Variants in CNTN5 observed in about 807,000 individuals in gnomAD.
The protein encoded by CNTN5 is contactin-5.
Under a neutral mutation model 129.1 loss-of-function variants are expected in CNTN5, and 77 were observed. The observed-to-expected ratio is 0.60, with a 90% CI of 0.50 to 0.72. The LOEUF is 0.72. CNTN5 is among the 30% of genes least tolerant of loss of function. CNTN5 has a pLI of 0.00. For missense variants in CNTN5, 1,478 were observed against 1,328.8 expected (o/e 1.11, Z -1.75); for synonymous variants, 509 against 465.6 (o/e 1.09, Z -1.20).
chr11:99,307,059 C>T (rs866190171), intron 1 of CNTN5, among the ~76,000 whole-genome samples: 5 of 152,106 alleles, frequency 3.3e-5, no homozygotes, highest in East Asian at 1.9e-4. Flanking sequence ...TATACAGATT[C>T]GTTTTGATCC....
intron 14 of CNTN5, among the ~76,000 whole-genome samples, chr11:100,192,355 G>A (rs1452574): frequency 0.2 from 30,657 of 151,844 alleles, 3,210 homozygotes; most frequent in Non-Finnish European, 0.24. Flanking sequence ...TCTCTGATGA[G>A]GCCAGAACTT....
chr11:99,561,545 G>A (rs539480181), intron 3 of CNTN5, among the ~76,000 whole-genome samples: 1 of 152,216 alleles, frequency 6.6e-6, no homozygotes, highest in Admixed American at 6.5e-5. Flanking sequence ...AGTACAGAAT[G>A]GGAAATGGGG....
chr11:99,122,716 A>T (rs1858408020), intron 1 of CNTN5, among the ~76,000 whole-genome samples: 1 of 151,944 alleles, frequency 6.6e-6, no homozygotes, highest in Non-Finnish European at 1.5e-5. Context: ...CCCTCCACCT[A>T]CAACTAGGCT....
chr11:99,975,174 T>G (rs1332984151), intron 8 of CNTN5, among the ~76,000 whole-genome samples: 2 of 152,354 alleles, frequency 1.3e-5, no homozygotes, highest in African/African-American at 4.8e-5. Flanking sequence ...AAAAGTTTTT[T>G]TTTTACAAAA....
intron 13 of CNTN5, 63 bp from the exon 14 acceptor site, chr11:100,191,063 G>T (rs894617124): frequency 3.4e-6 from 4 of 1,168,278 alleles, no homozygotes; most frequent in African/African-American, 3.1e-5. Flanking sequence ...TTCATCATTG[G>T]TTCTTACTAT....
intron 2 of CNTN5, among the ~76,000 whole-genome samples, chr11:99,365,436 T>G (rs578078334): frequency 6.6e-6 from 1 of 152,262 alleles, no homozygotes; most frequent in African/African-American, 2.4e-5. Context: ...TTGTGGACTT[T>G]TTACTCTACC....
intron 8 of CNTN5, among the ~76,000 whole-genome samples, chr11:99,961,860 C>G (rs1950955451): frequency 6.6e-6 from 1 of 152,060 alleles, no homozygotes; most frequent in Non-Finnish European, 1.5e-5. Context: ...ATCCACACAC[C>G]CCATTCAGTC....
At chr11:99,396,993 A>T (rs555433741) in intron 2 of CNTN5, among the ~76,000 whole-genome samples, 176 of 151,818 alleles carry the variant, frequency 1.2e-3, no homozygotes, top group Non-Finnish European at 1.6e-3. Context: ...GAGAAAATGG[A>T]GCATCTCAAA....
intron 6 of CNTN5, among the ~76,000 whole-genome samples, chr11:99,859,392 T>C (rs1591322679): frequency 1.3e-5 from 2 of 152,256 alleles, no homozygotes; most frequent in African/African-American, 4.8e-5. Context: ...CAGTGGTTTA[T>C]GTGCAGGTTT....
chr11:99,631,170 G>C (rs2135802082), intron 3 of CNTN5, among the ~76,000 whole-genome samples: 1 of 152,184 alleles, frequency 6.6e-6, no homozygotes, highest in African/African-American at 2.4e-5. Flanking sequence ...TATTCTTTAT[G>C]TATATGGAGT....
intron 3 of CNTN5, among the ~76,000 whole-genome samples, chr11:99,741,833 C>T (rs1334537417): frequency 6.6e-6 from 1 of 152,112 alleles, no homozygotes; most frequent in South Asian, 2.1e-4. Context: ...TGTCTTGCCG[C>T]TATGTTTGGT....
At chr11:99,597,639 C>T (rs545474479) in intron 3 of CNTN5, among the ~76,000 whole-genome samples, 37 of 152,246 alleles carry the variant, frequency 2.4e-4, no homozygotes, top group Admixed American at 3.3e-4. Context: ...TTTAGGTCCT[C>T]TGCTTTCTCA....
At chr11:99,324,630 AC>A (rs986942025) in intron 1 of CNTN5, among the ~76,000 whole-genome samples, 114 of 152,338 alleles carry the variant, frequency 7.5e-4, no homozygotes, top group South Asian at 1.5e-3. Context: ...ATTTCATTAA[AC>A]AATGAACTTC....
intron 3 of CNTN5, among the ~76,000 whole-genome samples, chr11:99,724,893 G>GACTC (rs898760778): frequency 6.6e-6 from 1 of 152,082 alleles, no homozygotes; most frequent in Non-Finnish European, 1.5e-5. Flanking sequence ...AAATGTAAAG[G>GACTC]ACTCAGTAAG....
At chr11:99,788,653 T>A (rs931235968) in intron 3 of CNTN5, among the ~76,000 whole-genome samples, 1 of 151,912 alleles carries the variant, frequency 6.6e-6, no homozygotes, top group Admixed American at 6.6e-5. Flanking sequence ...CTTTATTATA[T>A]ATGCAGAGTG....
At chr11:100,085,861 A>C (rs947727351) in intron 13 of CNTN5, among the ~76,000 whole-genome samples, 1 of 152,068 alleles carries the variant, frequency 6.6e-6, no homozygotes, top group Non-Finnish European at 1.5e-5. Flanking sequence ...AAGAAAGAAG[A>C]AAATAAAATC....
At chr11:100,255,062 C>T (rs1950038905) in intron 16 of CNTN5, among the ~76,000 whole-genome samples, 2 of 152,008 alleles carry the variant, frequency 1.3e-5, no homozygotes, top group Admixed American at 1.3e-4. Context: ...TATTCTATAC[C>T]ATTCTTTCAT....
chr11:99,124,927 T>A, intron 1 of CNTN5, among the ~76,000 whole-genome samples: 1 of 151,984 alleles, frequency 6.6e-6, no homozygotes, highest in East Asian at 1.9e-4. Flanking sequence ...AGCAATCGAA[T>A]GTCTTAACCA....
chr11:99,699,105 C>A (rs542081203), intron 3 of CNTN5, among the ~76,000 whole-genome samples: 3 of 151,352 alleles, frequency 2.0e-5, no homozygotes, highest in Non-Finnish European at 4.4e-5. Context: ...ATTTTCTTCT[C>A]ACCAAGATTT....
Sources: gnomAD v4.1 joint callset for allele counts (sites outside exome capture counted in the v4.1 genomes callset) on GRCh38, gnomAD v4.1.1 for gene constraint, MANE v1.5 for transcripts, NCBI Gene and HGNC (gene_info 2026-07-23, HGNC 2026-07-21) for gene names.